CNNM3: variants seen among roughly 807,000 people sequenced by gnomAD.
The protein encoded by CNNM3 is metal transporter CNNM3.
CNNM3 carries 47 observed loss-of-function variants against 57.1 expected under a neutral mutation model. The ratio of observed to expected loss-of-function variants is 0.82; its 90% CI spans 0.65 to 1.05. The LOEUF (loss-of-function observed/expected upper bound fraction) is 1.05, where lower values mean the gene tolerates loss of function less well. CNNM3 is among the 50% of genes least tolerant of loss of function. The probability of loss-of-function intolerance (pLI) is 0.00; values close to 1 mark genes in which losing one functional copy is unlikely to be tolerated. For missense variants in CNNM3, 957 were observed against 973.7 expected, an observed-to-expected ratio of 0.98 and a Z score of 0.23; for synonymous variants, 507 against 478.2, an observed-to-expected ratio of 1.06 and a Z score of -0.79.
intron 5 of CNNM3, 100 bp downstream of exon 5, chr2:96,828,295 T>A: frequency 9.7e-7 from 1 of 1,027,542 alleles, no homozygotes; most frequent in East Asian, 2.6e-5. Context: ...CACCTCTCCT[T>A]CCACCTGAGC....
At chr2:96,824,702 G>T (rs901303521) in intron 1 of CNNM3, 2 of 237,246 alleles carry the variant, frequency 8.4e-6, no homozygotes. Flanking sequence ...GCTGGCTGAT[G>T]TGTGAGGCAT....
intron 7 of CNNM3, chr2:96,831,920 A>T (rs1485101867): frequency 3.1e-6 from 3 of 958,940 alleles, no homozygotes; most frequent in Non-Finnish European, 3.7e-6. Flanking sequence ...AGGCACAACC[A>T]TTTCTGCTCA....
At chr2:96,823,393 G>C (rs1048471394) in intron 1 of CNNM3, among the ~76,000 whole-genome samples, 2 of 152,124 alleles carry the variant, frequency 1.3e-5, no homozygotes, top group African/African-American at 4.8e-5. Flanking sequence ...ACCACATGTC[G>C]CACTTGGCCT....
At position 96,832,656 on chromosome 2, in the gene CNNM3, C is replaced by T; in HGVS notation, c.*40C>T. 6.2e-7 allele frequency: 1 copy of T among 1,610,002 alleles called. No individual in the cohort carries two copies. The highest frequency in any genetic ancestry group is 8.5e-7 in the Non-Finnish European group (1 of 1,179,876). ...GCCCCAGATCTGGGGAACAGATGAG[C>T]ACGTGGGGAGCTGGAGTGAGCTGAG... On this transcript the variant is annotated 3_prime_UTR_variant, in exon 8 of 8. Transcript: ENST00000305510.
chr2:96,821,305 G>A (rs2079403049), intron 1 of CNNM3, among the ~76,000 whole-genome samples: 2 of 152,080 alleles, frequency 1.3e-5, no homozygotes, highest in South Asian at 4.1e-4. Context: ...CCTCCACTTA[G>A]GAACAAAGGG....
At chr2:96,828,870 C>A (rs1378729313) in intron 6 of CNNM3, 126 bp from the exon 7 acceptor site, 2 of 1,494,710 alleles carry the variant, frequency 1.3e-6, no homozygotes, top group Non-Finnish European at 1.8e-6. Flanking sequence ...GACTCAGTTG[C>A]TCTTCTCTGC....
intron 7 of CNNM3, among the ~76,000 whole-genome samples, chr2:96,829,912 T>C (rs902150420): frequency 1.3e-5 from 2 of 152,134 alleles, no homozygotes; most frequent in Non-Finnish European, 2.9e-5. Flanking sequence ...AGGGCATTTG[T>C]GAAGAGTTTG....
At chr2:96,821,336 G>A (rs545941941) in intron 1 of CNNM3, among the ~76,000 whole-genome samples, 72 of 152,266 alleles carry the variant, frequency 4.7e-4, no homozygotes, top group African/African-American at 1.6e-3. Flanking sequence ...TCTTTGTGGC[G>A]TGTGAGGTTT....
chr2:96,837,082 G>C (rs1365280384), downstream of CNNM3: 1 of 151,014 alleles, frequency 6.6e-6, no homozygotes, highest in African/African-American at 2.4e-5. Context: ...CTGTGTGTCT[G>C]TGCCTCTGCC....
chr2:96,825,019 G>A (rs200861617), intron 1 of CNNM3, 39 bp from the exon 2 acceptor site: 87 of 1,609,478 alleles, frequency 5.4e-5, no homozygotes, highest in South Asian at 9.9e-5. Flanking sequence ...AACTGGGGGG[G>A]GCCCAGCAAG....
Position 96,817,407 on chromosome 2 carries a change from C to T in CNNM3, c.1130C>T (p.Thr377Met). Residue 377 changes from threonine to methionine, a missense_variant, in exon 1 of 8, where the codon ACG (threonine) becomes ATG (methionine). Transcript: ENST00000305510. Reference protein sequence around the residue: ...DLAFVDPEDCTPLSTITRFYN... With the variant: ...DLAFVDPEDCMPLSTITRFYN... ...GCCTTCGTGGATCCCGAAGACTGCA[C>T]GCCGCTCAGCACCATCACTCGTTTC... 2.5e-6 allele frequency: 4 copies of T among 1,614,170 alleles called. No homozygotes were observed. Among genetic ancestry groups the T allele is most frequent in the Non-Finnish European group, 3.4e-6 (4 of 1,180,034 alleles).
At position 96,816,282 on chromosome 2, in the gene CNNM3, C is replaced by T. The variant is rs1217162897; in HGVS notation, c.5C>T (p.Ala2Val). 3.1e-6 allele frequency: 4 copies of T among 1,304,780 alleles called. No homozygotes were observed. The highest frequency in any genetic ancestry group is 3.9e-6 in the Non-Finnish European group (4 of 1,028,594). 80.8% of individuals were successfully genotyped at this position (1,304,780 alleles called of 1,614,324 possible). ...GCCGAGAGGGGGCAGCAGGCGATGG[C>T]GGCGGCGGTAGCTGCGGCGGGTCGG... M[A>V]AAVAAAGRLG... Residue 2 changes from alanine to valine, a missense_variant, in exon 1 of 8, where the codon GCG (alanine) becomes GTG (valine). By Grantham distance (64) the Ala-to-Val change is moderately conservative (BLOSUM62 0). Coordinates refer to ENST00000305510, the MANE Select transcript of CNNM3 (RefSeq NM_017623.5).
At chr2:96,817,573 T>C (rs1224009774) in intron 1 of CNNM3, 71 bp downstream of exon 1, 7 of 1,469,656 alleles carry the variant, frequency 4.8e-6, no homozygotes, top group Non-Finnish European at 5.6e-6. Flanking sequence ...TGGAGAGTTA[T>C]GGAAGCCTTC....
chr2:96,828,206 GC>G lies in CNNM3; in HGVS notation c.1786+14del. ...CTGTGCCATCCTCGGGTAAGCCACG[GC>G]CCTGCTGATGCTGAGGGCCAGGGTG... is the stretch of plus-strand genomic sequence containing the variant. On this transcript the variant is annotated intron_variant, in intron 5 of 7. Transcript: ENST00000305510. 6.2e-7 allele frequency: 1 copy of G among 1,609,756 alleles called. No individual in the cohort carries two copies. The highest frequency in any genetic ancestry group is 1.3e-5 in the African/African-American group (1 of 74,920).
chr2:96,832,096 T>C, intron 7 of CNNM3: 1 of 995,666 alleles, frequency 1.0e-6, no homozygotes, highest in South Asian at 4.5e-5. Flanking sequence ...CCCTGCCCCT[T>C]CACTTCCCTT....
rs964971380 is a variant in CNNM3, at chr2:96,833,325, C to T, written c.*709C>T. 1 of 300,132 alleles carries T rather than the reference C, an allele frequency of 3.3e-6. No individual in the cohort carries two copies. The highest frequency in any genetic ancestry group is 6.6e-6 in the Non-Finnish European group (1 of 151,596). The allele number at this position is 300,132 out of a possible 1,614,324, so 18.6% of individuals were successfully genotyped here. On this transcript the variant is annotated 3_prime_UTR_variant, in exon 8 of 8. Transcript: ENST00000305510. ...TCTCTGCCCACCTGCTGAGTTGCCACTCGCAGTGTTGTCAGTTCCCGTGTT... is the reference window on the plus strand; with the variant it reads ...TCTCTGCCCACCTGCTGAGTTGCCATTCGCAGTGTTGTCAGTTCCCGTGTT...
Position 96,816,323 on chromosome 2 carries a change from G to A in CNNM3, c.46G>A (p.Ala16Thr), listed in dbSNP as rs2079315144. 3 of 1,286,886 alleles carry A rather than the reference G, an allele frequency of 2.3e-6. No homozygotes were observed. The highest frequency in any genetic ancestry group is 3.1e-5 in the East Asian group (1 of 32,198). The allele number at this position is 1,286,886 out of a possible 1,614,324, so 79.7% of individuals were successfully genotyped here. A position where few individuals can be genotyped will look rare whatever the true frequency, so the allele number is the denominator to read the frequency against. The change falls in exon 1 of 8, where the codon GCC (alanine) becomes ACC (threonine). Residue 16 changes from alanine (A) to threonine (T), a missense_variant. Coordinates refer to ENST00000305510, the MANE Select transcript of CNNM3 (RefSeq NM_017623.5). ...GGCGGGTCGGTTAGGCTGGTTGTTCGCCGCGCTCTGCCTGGGCAACGCCGC... is the reference window on the plus strand; with the variant it reads ...GGCGGGTCGGTTAGGCTGGTTGTTCACCGCGCTCTGCCTGGGCAACGCCGC... Reference protein sequence around the residue: ...AAAGRLGWLFAALCLGNAAGE... With the variant: ...AAAGRLGWLFTALCLGNAAGE...
intron 2 of CNNM3, among the ~76,000 whole-genome samples, chr2:96,825,506 T>C (rs2079486160): frequency 6.6e-6 from 1 of 152,246 alleles, no homozygotes; most frequent in East Asian, 1.9e-4. Context: ...CTGCCCTTCA[T>C]GGGCCTTTCC....
intron 6 of CNNM3, 85 bp from the exon 7 acceptor site, chr2:96,828,911 C>A: frequency 6.3e-7 from 1 of 1,574,854 alleles, no homozygotes; most frequent in Non-Finnish European, 8.7e-7. Flanking sequence ...TGCCTCTGTC[C>A]TCTTCGGGCA....
Sources: gnomAD v4.1 joint callset for allele counts (sites outside exome capture counted in the v4.1 genomes callset) on GRCh38, gnomAD v4.1.1 for gene constraint, MANE v1.5 for transcripts, NCBI Gene and HGNC (gene_info 2026-07-23, HGNC 2026-07-21) for gene names.